The following SLC66A2 variants were observed in gnomAD, a reference collection of about 807,000 sequenced individuals.
SLC66A2 encodes the protein solute carrier family 66 member 2.
SLC66A2 carries 23 observed loss-of-function variants against 25.5 expected under a neutral mutation model. The observed-to-expected ratio is 0.90, with a 90% CI of 0.65 to 1.28. The LOEUF is 1.28. Among genes scored for constraint, SLC66A2 ranks in the 50% most tolerant of loss-of-function variants. The pLI, the probability that SLC66A2 is intolerant of heterozygous loss-of-function variation, is 0.00. For synonymous variants in SLC66A2, 193 were observed against 166.5 expected, an observed-to-expected ratio of 1.16 and a Z score of -1.23; for missense variants, 396 against 373.1, an observed-to-expected ratio of 1.06 and a Z score of -0.51.
Position 79,917,728 on chromosome 18 carries a change from C to A in SLC66A2, c.608+1456G>T, listed in dbSNP as rs1199164611. On this transcript the variant is annotated intron_variant, in intron 5 of 5. Coordinates refer to ENST00000397778, the MANE Select transcript of SLC66A2 (RefSeq NM_025078.5). The surrounding 1 kb of genome is among the most constrained non-coding windows in gnomAD (Gnocchi z 6.0). ...GGGAGCCTGTTCCAGCCATGGACACCCTCTCGGGCCTCCATGCACCCTCGC... is the reference window on the plus strand; with the variant it reads ...GGGAGCCTGTTCCAGCCATGGACACACTCTCGGGCCTCCATGCACCCTCGC... 6.6e-6 allele frequency among the ~76,000 whole-genome samples: 1 copy of A among 151,998 alleles called. No individual in the cohort carries two copies. Among genetic ancestry groups the A allele is most frequent in the African/African-American group, 2.4e-5 (1 of 41,358 alleles).
intron 5 of SLC66A2, among the ~76,000 whole-genome samples, chr18:79,916,261 C>CGGTGCTCCCGT (rs1984126320): frequency 4.7e-5 from 2 of 42,844 alleles, no homozygotes; most frequent in African/African-American, 1.2e-4. Context: ...CTCATAGCCG[C>CGGTGCTCCCGT]AGTGCTCCCG....
intron 4 of SLC66A2, among the ~76,000 whole-genome samples, chr18:79,929,376 C>G (rs1040920069): frequency 6.6e-6 from 1 of 152,154 alleles, no homozygotes; most frequent in Non-Finnish European, 1.5e-5. Flanking sequence ...ACCACCACAT[C>G]TGAGGGAGAA....
Position 79,905,564 on chromosome 18 carries a change from G to A in SLC66A2, c.609-1381C>T, listed in dbSNP as rs748912643. 2.4e-4 allele frequency among the ~76,000 whole-genome samples: 36 copies of A among 152,382 alleles called. 1 individual carries two copies. In the South Asian group the frequency reaches 2.5e-3, roughly 11 times the overall value. On this transcript the variant is annotated intron_variant, in intron 5 of 5. Coordinates refer to ENST00000397778, the MANE Select transcript of SLC66A2 (RefSeq NM_025078.5). The stretch of plus-strand genomic sequence containing the variant: ...GTGCAAAGGCGCCTGCCTTTCCTGC[G>A]CTAGCCATGCACACAGCAGGCGCCC...
At position 79,917,512 on chromosome 18, in the gene SLC66A2, G is replaced by A. The variant is rs1322368789; in HGVS notation, c.608+1672C>T. On this transcript the variant is annotated intron_variant, in intron 5 of 5. Transcript: ENST00000397778. This position sits in a 1 kb window ranked among gnomAD's most constrained non-coding sequence, Gnocchi z 6.0. ...TCTCCAGGTCGCAAGCTCGGCACGC[G>A]GGCACTGCCCACAGGATCTCCAGCT... 6.6e-6 allele frequency among the ~76,000 whole-genome samples: 1 copy of A among 152,116 alleles called. No homozygotes were observed. Among genetic ancestry groups the A allele is most frequent in the Non-Finnish European group, 1.5e-5 (1 of 68,010 alleles).
At position 79,919,101 on chromosome 18, in the gene SLC66A2, A is replaced by G; in HGVS notation, c.608+83T>C. 3.2e-6 allele frequency: 4 copies of G among 1,233,914 alleles called. No homozygotes were observed. In the South Asian group the frequency reaches 5.2e-5, roughly 16 times the overall value. 76.4% of individuals were successfully genotyped at this position (1,233,914 alleles called of 1,614,324 possible). ...ACGTGGGAAATACACAGCCAGACACACAGGCGTTTGATTTTTACCAAATCT... is the reference window on the plus strand; with the variant it reads ...ACGTGGGAAATACACAGCCAGACACGCAGGCGTTTGATTTTTACCAAATCT... On this transcript the variant is annotated intron_variant, in intron 5 of 5. Coordinates refer to ENST00000397778, the MANE Select transcript of SLC66A2 (RefSeq NM_025078.5).
At chr18:79,948,096 A>C (rs192434230) in intron 2 of SLC66A2, among the ~76,000 whole-genome samples, 1 of 152,340 alleles carries the variant, frequency 6.6e-6, no homozygotes, top group East Asian at 1.9e-4. Context: ...GAAGCCATGC[A>C]TGACCAGGAC....
rs1987233262 is a variant in SLC66A2 at position 79,937,642 on chromosome 18, C to T, written c.338-3620G>A. 6.6e-6 allele frequency among the ~76,000 whole-genome samples: 1 copy of T among 152,208 alleles called. No individual in the cohort carries two copies. Among genetic ancestry groups the T allele is most frequent in the Non-Finnish European group, 1.5e-5 (1 of 68,038 alleles). On this transcript the variant is annotated intron_variant, in intron 3 of 5. Transcript: ENST00000397778. This position sits in a 1 kb window ranked among gnomAD's most constrained non-coding sequence, Gnocchi z 5.4. ...GGCCTCAGCATGAGCCCCACAGTGG[C>T]CGCTGACCACACGCACCTCCGACGG...
At chr18:79,926,039 G>A (rs536559220) in intron 4 of SLC66A2, among the ~76,000 whole-genome samples, 28 of 152,294 alleles carry the variant, frequency 1.8e-4, no homozygotes, top group Admixed American at 1.6e-3. Flanking sequence ...GTGACCTCTG[G>A]TCGTCCTCAC....
rs1986121893 is a variant in SLC66A2 at position 79,927,646 on chromosome 18, G to A, written c.391+6323C>T. ...AGAGACCCACATCAGAGACCCTCGG[G>A]GAGTGACAGAGCCCCCGCCCCAACC... On this transcript the variant is annotated intron_variant, in intron 4 of 5. Coordinates refer to ENST00000397778, the MANE Select transcript of SLC66A2 (RefSeq NM_025078.5). The surrounding 1 kb of genome is among the most constrained non-coding windows in gnomAD (Gnocchi z 6.2). Among the ~76,000 whole-genome samples, 1 of 152,116 alleles carries A rather than the reference G, an allele frequency of 6.6e-6. No homozygotes were observed. Among genetic ancestry groups the A allele is most frequent in the Admixed American group, 6.5e-5 (1 of 15,282 alleles).
In SLC66A2 at chr18:79,951,624, GCTGACCCGCGCGCGTCT is replaced by G. The variant is rs1854077898; in HGVS notation, c.-160_-144del. The G allele has an allele frequency of 1.3e-5, 2 of 151,494 alleles. No individual in the cohort carries two copies. Among genetic ancestry groups the G allele is most frequent in the Non-Finnish European group, 3.0e-5 (2 of 67,518 alleles). The allele number at this position is 151,494 out of a possible 1,614,324, so 9.4% of individuals were successfully genotyped here. ...GCCCAGCGCCCCGCGTCCCCGCGCC[GCTGACCCGCGCGCGTCT>G]CGGCGTCAGTCCGCTCAGGCGCCGG... On this transcript the variant is annotated 5_prime_UTR_variant, in exon 1 of 6. Transcript: ENST00000397778.
intron 4 of SLC66A2, among the ~76,000 whole-genome samples, chr18:79,928,733 C>T (rs1045390206): frequency 6.6e-6 from 1 of 152,096 alleles, no homozygotes; most frequent in South Asian, 2.1e-4. Context: ...AGTGCCACTG[C>T]AGCAGTGGCG....
chr18:79,912,075 G>A (rs1983273766), intron 5 of SLC66A2, among the ~76,000 whole-genome samples: 1 of 141,854 alleles, frequency 7.0e-6, no homozygotes, highest in Non-Finnish European at 1.5e-5. Context: ...GATGGCAGCA[G>A]GGAGGGGACA....
At chr18:79,944,674 G>C (rs930173106) in intron 2 of SLC66A2, 2 of 152,478 alleles carry the variant, frequency 1.3e-5, no homozygotes, top group Non-Finnish European at 2.9e-5. Flanking sequence ...TCAGCCTGCA[G>C]TTTGGCCTGA....
In SLC66A2 at chr18:79,904,139, G is replaced by A. The variant is rs770370277; in HGVS notation, c.653C>T (p.Thr218Met). 20 of 1,613,010 alleles carry A rather than the reference G, an allele frequency of 1.2e-5. No individual in the cohort carries two copies. Among genetic ancestry groups the A allele is most frequent in the Middle Eastern group, 1.7e-4 (1 of 6,058 alleles). The change falls in exon 6 of 6, where the codon ACG becomes ATG. Residue 218 changes from threonine (T) to methionine (M), a missense_variant. By Grantham distance (81) the Thr-to-Met change is moderately conservative. Coordinates refer to ENST00000397778, the MANE Select transcript of SLC66A2 (RefSeq NM_025078.5). This position sits in a 1 kb window ranked among gnomAD's most constrained non-coding sequence, Gnocchi z 6.3. ...GGCACCCTTCAGCAGGAAGTAGGCC[G>A]TCTTGAAGGCGTCACCACTGGTCCA... The part of the protein sequence containing the change: ...LMWTSGDAFK[T>M]AYFLLKGAPL...
Position 79,935,816 on chromosome 18 carries a change from G to A in SLC66A2, c.338-1794C>T, listed in dbSNP as rs74719271. Among the ~76,000 whole-genome samples the A allele has an allele frequency of 1.1e-4, 16 of 152,238 alleles. No homozygotes were observed. The East Asian group carries it at 2.5e-3, about 24-fold the overall frequency. ...CGAGTGAGGGAGAGAGAGAGAGAGA[G>A]AAAAAGCAAGAGAATGAGCTTCAAG... On this transcript the variant is annotated intron_variant, in intron 3 of 5. Coordinates refer to ENST00000397778, the MANE Select transcript of SLC66A2 (RefSeq NM_025078.5).
At position 79,940,344 on chromosome 18, in the gene SLC66A2, C is replaced by T. The variant is rs1381401587; in HGVS notation, c.337+2985G>A. ...CTGGCCGGGCGCAGTGGGTCACGCCCGTAATGCCAGCACTTCGGGAGGCCA... is the reference window on the plus strand; with the variant it reads ...CTGGCCGGGCGCAGTGGGTCACGCCTGTAATGCCAGCACTTCGGGAGGCCA... On this transcript the variant is annotated intron_variant, in intron 3 of 5. Coordinates refer to ENST00000397778, the MANE Select transcript of SLC66A2 (RefSeq NM_025078.5). The surrounding 1 kb of genome is among the most constrained non-coding windows in gnomAD (Gnocchi z 4.1). 2.6e-5 allele frequency among the ~76,000 whole-genome samples: 4 copies of T among 152,082 alleles called. No homozygotes were observed. Among genetic ancestry groups the T allele is most frequent in the African/African-American group, 4.8e-5 (2 of 41,408 alleles).
chr18:79,905,213 A>C (rs545916165), intron 5 of SLC66A2, among the ~76,000 whole-genome samples: 4 of 152,360 alleles, frequency 2.6e-5, no homozygotes, highest in Middle Eastern at 3.4e-3. Context: ...AAAAACCAGG[A>C]GGCTTTGGGA....
At position 79,933,953 on chromosome 18, in the gene SLC66A2, C is replaced by T. The variant is rs370856418; in HGVS notation, c.391+16G>A. 28 of 1,608,340 alleles carry T rather than the reference C, an allele frequency of 1.7e-5. No homozygotes were observed. The East Asian group carries it at 2.0e-4, about 12-fold the overall frequency. On this transcript the variant is annotated intron_variant, in intron 4 of 5. Transcript: ENST00000397778. The stretch of plus-strand genomic sequence containing the variant: ...AAAGGAACGTGCTGCGGACAGTGCA[C>T]GCGCAGGGTACATACCCAGGAAGGA...
intron 5 of SLC66A2, among the ~76,000 whole-genome samples, chr18:79,913,100 G>A (rs116472340): frequency 3.5e-4 from 54 of 152,330 alleles, no homozygotes; most frequent in South Asian, 1.2e-3. Context: ...GAGGACTGAC[G>A]TAGTTGAAAT....
Sources: allele counts gnomAD v4.1 joint callset (sites outside exome capture counted in the v4.1 genomes callset), GRCh38; gene constraint gnomAD v4.1.1; non-coding constraint Gnocchi (gnomAD v3.1); transcripts MANE v1.5; gene names NCBI Gene and HGNC (gene_info 2026-07-23, HGNC 2026-07-21).